PTPRD: variants seen among roughly 807,000 people sequenced by gnomAD.
PTPRD encodes protein tyrosine phosphatase receptor type D.
In PTPRD, 34 loss-of-function variants were observed where a neutral mutation model predicts 214.5. The ratio of observed to expected loss-of-function variants is 0.16; its 90% CI spans 0.12 to 0.21. The LOEUF (loss-of-function observed/expected upper bound fraction) is 0.21. PTPRD is among the 10% of genes least tolerant of loss of function. The pLI is 1.00. For synonymous variants in PTPRD, 1,128 were observed against 845.7 expected, an observed-to-expected ratio of 1.33 and a Z score of -5.79; for missense variants, 2,545 against 2,398.7, an observed-to-expected ratio of 1.06 and a Z score of -1.27.
intron 2 of PTPRD, among the ~76,000 whole-genome samples, chr9:10,452,530 A>G (rs1052163584): frequency 5.3e-5 from 8 of 151,800 alleles, no homozygotes; most frequent in Non-Finnish European, 8.9e-5. Context: ...GTGGGAAGGA[A>G]TATCTCATTG....
At chr9:10,555,266 G>C (rs1590808696) in intron 2 of PTPRD, among the ~76,000 whole-genome samples, 1 of 152,178 alleles carries the variant, frequency 6.6e-6, no homozygotes, top group Non-Finnish European at 1.5e-5. Context: ...TAAGGAGTAT[G>C]TTGTGGTGCT....
At chr9:10,298,198 T>C (rs1431340742) in intron 3 of PTPRD, among the ~76,000 whole-genome samples, 1 of 152,148 alleles carries the variant, frequency 6.6e-6, no homozygotes, top group Non-Finnish European at 1.5e-5. Context: ...CTGCAATAGT[T>C]CTTAATAGGT....
At position 8,635,814 on chromosome 9, in the gene PTPRD, G is replaced by C. The variant is rs147179002; in HGVS notation, c.210+885C>G. On this transcript the variant is annotated intron_variant, in intron 13 of 45. Transcript: ENST00000381196. ...CTATCCTTCTCATGTCTTAAATTAT[G>C]GGCATGCTATTGTGTGCCCATAATC... 1.2e-3 allele frequency among the ~76,000 whole-genome samples: 184 copies of C among 152,072 alleles called. 2 individuals are homozygous for C. The highest frequency in any genetic ancestry group is 4.3e-3 in the African/African-American group (178 of 41,484).
chr9:8,907,175 T>C (rs1270812575), intron 11 of PTPRD, among the ~76,000 whole-genome samples: 1 of 151,288 alleles, frequency 6.6e-6, no homozygotes, highest in African/African-American at 2.4e-5. Flanking sequence ...CAAAAAATAA[T>C]AGAAACAATT....
chr9:8,575,279 G>A (rs989999902), intron 14 of PTPRD, among the ~76,000 whole-genome samples: 1 of 152,106 alleles, frequency 6.6e-6, no homozygotes. Context: ...TATATTTCAA[G>A]CAGGGTCTGA....
At chr9:10,379,780 A>AGTTT (rs1204710739) in intron 2 of PTPRD, among the ~76,000 whole-genome samples, 1 of 152,074 alleles carries the variant, frequency 6.6e-6, no homozygotes, top group Non-Finnish European at 1.5e-5. Flanking sequence ...AACATAATGT[A>AGTTT]GTTTGAACTA....
chr9:8,715,343 AC>A (rs1196641079), intron 12 of PTPRD, among the ~76,000 whole-genome samples: 1 of 152,206 alleles, frequency 6.6e-6, no homozygotes, highest in Non-Finnish European at 1.5e-5. Context: ...CAGATGAGCA[AC>A]CTAAGATTAG....
chr9:9,722,179 C>A (rs1018056470), intron 7 of PTPRD, among the ~76,000 whole-genome samples: 1 of 151,962 alleles, frequency 6.6e-6, no homozygotes, highest in African/African-American at 2.4e-5. Flanking sequence ...ATCACAACTA[C>A]TTAATTTTAG....
chr9:10,138,043 G>C (rs1259379748), intron 3 of PTPRD, among the ~76,000 whole-genome samples: 2 of 151,962 alleles, frequency 1.3e-5, no homozygotes, highest in Admixed American at 1.3e-4. Flanking sequence ...ACAAAAATCA[G>C]AGAAGCACTG....
At chr9:9,158,546 G>A (rs890628815) in intron 10 of PTPRD, among the ~76,000 whole-genome samples, 2 of 152,124 alleles carry the variant, frequency 1.3e-5, no homozygotes, top group Non-Finnish European at 2.9e-5. Flanking sequence ...GTTGTAGTGA[G>A]CCGAGATCGT....
At position 9,873,755 on chromosome 9, in the gene PTPRD, C is replaced by T. The variant is rs556410542; in HGVS notation, c.-368+64752G>A. Reference sequence around the variant, plus strand: ...TTCTTTTAATTAAAATATTCTTTCTCCATCCTGAGGCTCATATTTCTGAGT... The same window carrying T: ...TTCTTTTAATTAAAATATTCTTTCTTCATCCTGAGGCTCATATTTCTGAGT... On this transcript the variant is annotated intron_variant, in intron 5 of 45. Coordinates refer to ENST00000381196, the MANE Select transcript of PTPRD (RefSeq NM_002839.4). 2.0e-5 allele frequency among the ~76,000 whole-genome samples: 3 copies of T among 152,240 alleles called. No homozygotes were observed. The South Asian group carries it at 6.2e-4, about 32-fold the overall frequency.
Position 9,364,578 on chromosome 9 carries a change from G to C in PTPRD, c.-203+32871C>G, listed in dbSNP as rs2057326226. Among the ~76,000 whole-genome samples, 5 of 151,446 alleles carry C rather than the reference G, an allele frequency of 3.3e-5. No homozygotes were observed. In the Admixed American group the frequency reaches 3.3e-4, roughly 10 times the overall value. Reference sequence around the variant, plus strand: ...TGCAGAAAGAAAAGTCCTAGGCTGAGAAACGGTCTTGAGTGGCAGAGGCAC... The same window carrying C: ...TGCAGAAAGAAAAGTCCTAGGCTGACAAACGGTCTTGAGTGGCAGAGGCAC... On this transcript the variant is annotated intron_variant, in intron 9 of 45. Transcript: ENST00000381196.
At chr9:9,890,916 T>C (rs1381624892) in intron 5 of PTPRD, among the ~76,000 whole-genome samples, 2 of 152,138 alleles carry the variant, frequency 1.3e-5, no homozygotes, top group Non-Finnish European at 2.9e-5. Context: ...ACCATCAGAG[T>C]AGCTGAATCT....
intron 3 of PTPRD, among the ~76,000 whole-genome samples, chr9:10,090,110 G>A (rs747663996): frequency 6.6e-6 from 1 of 151,546 alleles, no homozygotes; most frequent in South Asian, 2.1e-4. Flanking sequence ...CTAAAACTAA[G>A]CATATCCATA....
chr9:9,716,477 A>C (rs2097835151), intron 7 of PTPRD, among the ~76,000 whole-genome samples: 1 of 151,948 alleles, frequency 6.6e-6, no homozygotes, highest in Non-Finnish European at 1.5e-5. Flanking sequence ...CCAACAGTGT[A>C]AAAGTGTTCC....
At chr9:10,523,618 T>TAGAGAGAGAG (rs201735410) in intron 2 of PTPRD, among the ~76,000 whole-genome samples, 3 of 116,160 alleles carry the variant, frequency 2.6e-5, no homozygotes, top group Non-Finnish European at 5.8e-5. Flanking sequence ...TATATATATA[T>TAGAGAGAGAG]ATATAGACAG....
At chr9:9,265,382 T>C (rs10116111) in intron 9 of PTPRD, among the ~76,000 whole-genome samples, 42,306 of 151,290 alleles carry the variant, frequency 0.28, 6,097 homozygotes, top group East Asian at 0.38. Flanking sequence ...CCCTACTGAA[T>C]AGCTAGGATT....
At chr9:9,790,460 G>T (rs1336521427) in intron 5 of PTPRD, among the ~76,000 whole-genome samples, 1 of 152,084 alleles carries the variant, frequency 6.6e-6, no homozygotes, top group Non-Finnish European at 1.5e-5. Context: ...ACTGCAGGTG[G>T]AGAGGAGAAT....
chr9:9,361,483 C>T (rs1596365143), intron 9 of PTPRD, among the ~76,000 whole-genome samples: 1 of 151,082 alleles, frequency 6.6e-6, no homozygotes. Context: ...TTTTAAAATG[C>T]ACCATGGCTC....
Sources: gnomAD v4.1 joint callset for allele counts (sites outside exome capture counted in the v4.1 genomes callset) on GRCh38, gnomAD v4.1.1 for gene constraint, MANE v1.5 for transcripts, NCBI Gene and HGNC (gene_info 2026-07-23, HGNC 2026-07-21) for gene names.